The following B3GNT6 variants were observed in gnomAD, a reference collection of about 807,000 sequenced individuals.
B3GNT6 encodes UDP-GlcNAc:betaGal beta-1,3-N-acetylglucosaminyltransferase 6.
For missense variants in B3GNT6, 624 were observed against 568.6 expected (o/e 1.10, Z -0.99); for synonymous variants, 300 against 270.0 (o/e 1.11, Z -1.09).
chr11:77,038,066 G>GAAGGAGGAGGAGGGGA, intron 1 of B3GNT6, among the ~76,000 whole-genome samples: 1 of 6,090 alleles, frequency 1.6e-4, no homozygotes. Context: ...AGTGGGAGGG[G>GAAGGAGGAGGAGGGGA]ATGAGGGGGA....
At chr11:77,038,084 A>AGGGGGAGGGGGCAAGGGGGG (rs1565240572) in intron 1 of B3GNT6, among the ~76,000 whole-genome samples, 1 of 13,426 alleles carries the variant, frequency 7.4e-5, no homozygotes, top group Non-Finnish European at 1.3e-4. Flanking sequence ...GGAGGGGATG[A>AGGGGGAGGGGGCAAGGGGGG]GGGGGAGGAG....
chr11:77,041,002 C>T lies in B3GNT6; in HGVS notation c.*296C>T, dbSNP rs1423463869. The T allele has an allele frequency of 2.7e-6, 1 of 373,616 alleles. No homozygotes were observed. The highest frequency in any genetic ancestry group is 4.3e-5 in the East Asian group (1 of 23,046). The allele number at this position is 373,616 out of a possible 1,614,324, so 23.1% of individuals were successfully genotyped here. On this transcript the variant is annotated 3_prime_UTR_variant, in exon 2 of 2. Transcript: ENST00000622824. Reference sequence around the variant, plus strand: ...CCACTCGGCTAGACTATCTCTTCATCCTCGCAAAGCCAGCTCCACCGCCCT... The same window carrying T: ...CCACTCGGCTAGACTATCTCTTCATTCTCGCAAAGCCAGCTCCACCGCCCT...
At position 77,039,797 on chromosome 11, in the gene B3GNT6, C is replaced by A; in HGVS notation, c.246C>A (p.Phe82Leu). ...ANASANATAD[F>L]EQLPARIQDF... ...CCTCGGCGAACGCCACGGCCGACTT[C>A]GAGCAGCTGCCCGCGCGCATCCAGG... Residue 82 changes from phenylalanine to leucine, a missense_variant, in exon 2 of 2, where the codon TTC (phenylalanine) becomes TTA (leucine). Phe to Leu is a conservative substitution (Grantham distance 22, BLOSUM62 0). Coordinates refer to ENST00000622824, the MANE Select transcript of B3GNT6 (RefSeq NM_138706.5). 1.3e-6 allele frequency: 2 copies of A among 1,578,208 alleles called. No individual in the cohort carries two copies. The highest frequency in any genetic ancestry group is 1.7e-6 in the Non-Finnish European group (2 of 1,167,950).
Position 77,040,584 on chromosome 11 carries a change from GA to G in B3GNT6, c.1034del (p.Asp345AlafsTer10). The G allele has an allele frequency of 6.3e-7, 1 of 1,593,268 alleles. No individual in the cohort carries two copies. The highest frequency in any genetic ancestry group is 1.3e-5 in the African/African-American group (1 of 74,834). ...QLPGAQQSSFDPCMYRELLLV... is the reference protein window; with the variant it reads ...QLPGAQQSSFXPCMYRELLLV... ...GCCTGGCGCACAGCAGTCCTCCTTCGACCCCTGCATGTACCGCGAGTTGCTG... is the reference window on the plus strand; with the variant it reads ...GCCTGGCGCACAGCAGTCCTCCTTCGCCCCTGCATGTACCGCGAGTTGCTG... On this transcript the variant is annotated frameshift_variant, in exon 2 of 2. Coordinates refer to ENST00000622824, the MANE Select transcript of B3GNT6 (RefSeq NM_138706.5). LOFTEE classifies it low-confidence loss of function (END_TRUNC).
chr11:77,040,710 C>A lies in B3GNT6; in HGVS notation c.*4C>A. 6.4e-7 allele frequency: 1 copy of A among 1,560,644 alleles called. No individual in the cohort carries two copies. Among genetic ancestry groups the A allele is most frequent in the Non-Finnish European group, 8.6e-7 (1 of 1,159,508 alleles). ...CCGGGGACACCGGGTCTCCTGAGGC[C>A]AGTTGGGCGGCTTCAGCCCCGGGCC... On this transcript the variant is annotated 3_prime_UTR_variant, in exon 2 of 2. Coordinates refer to ENST00000622824, the MANE Select transcript of B3GNT6 (RefSeq NM_138706.5).
At chr11:77,038,976 C>T (rs903284215) in intron 1 of B3GNT6, among the ~76,000 whole-genome samples, 7 of 152,112 alleles carry the variant, frequency 4.6e-5, no homozygotes, top group Non-Finnish European at 1.0e-4. Flanking sequence ...ACTGTTCAGA[C>T]GGTGCAGATG....
At chr11:77,036,010 T>C (rs1447843411) in intron 1 of B3GNT6, among the ~76,000 whole-genome samples, 1 of 152,232 alleles carries the variant, frequency 6.6e-6, no homozygotes, top group East Asian at 1.9e-4. Flanking sequence ...CCTTATTTCA[T>C]TGAAAAATGA....
In B3GNT6 at chr11:77,040,779, T is replaced by A. The variant is rs1949681537; in HGVS notation, c.*73T>A. 3.4e-6 allele frequency: 5 copies of A among 1,476,372 alleles called. No homozygotes were observed. Among genetic ancestry groups the A allele is most frequent in the African/African-American group, 2.8e-5 (2 of 71,104 alleles). The allele number at this position is 1,476,372 out of a possible 1,614,324, so 91.5% of individuals were successfully genotyped here. A position where few individuals can be genotyped will look rare whatever the true frequency, so the allele number is the denominator to read the frequency against. ...GAGAAGGCAGCTTTCCCGCTCTGGGTACCTTACGTCCTGCCCAGCTCTGTG... is the reference window on the plus strand; with the variant it reads ...GAGAAGGCAGCTTTCCCGCTCTGGGAACCTTACGTCCTGCCCAGCTCTGTG... On this transcript the variant is annotated 3_prime_UTR_variant, in exon 2 of 2. Coordinates refer to ENST00000622824, the MANE Select transcript of B3GNT6 (RefSeq NM_138706.5).
At position 77,034,987 on chromosome 11, in the gene B3GNT6, C is replaced by G. The variant is rs370679136; in HGVS notation, c.-1+509C>G. On this transcript the variant is annotated intron_variant, in intron 1 of 1. Transcript: ENST00000622824. ...CAGCCTCGCAAACATGGTAAAACCT[C>G]ATCTCTACTAAAAATATAAAAATTA... Among the ~76,000 whole-genome samples the G allele has an allele frequency of 2.6e-5, 4 of 152,250 alleles. No individual in the cohort carries two copies. In the East Asian group the frequency reaches 7.7e-4, roughly 29 times the overall value.
intron 1 of B3GNT6, among the ~76,000 whole-genome samples, chr11:77,035,024 G>T (rs112938100): frequency 0.062 from 9,416 of 152,136 alleles, 494 homozygotes; most frequent in African/African-American, 0.14. Flanking sequence ...CTGGGCATGG[G>T]GGTGGACGCC....
intron 1 of B3GNT6, among the ~76,000 whole-genome samples, chr11:77,038,748 AG>A (rs1175865469): frequency 6.6e-6 from 1 of 151,884 alleles, no homozygotes; most frequent in Non-Finnish European, 1.5e-5. Context: ...GAGGGCCTGA[AG>A]GTGAATGTTT....
rs1053886447 is a variant in B3GNT6, at chr11:77,041,464, C to T, written c.*758C>T. On this transcript the variant is annotated 3_prime_UTR_variant, in exon 2 of 2. Coordinates refer to ENST00000622824, the MANE Select transcript of B3GNT6 (RefSeq NM_138706.5). ...GGGTCCTGCCCGCCAATAATCACCCCCACGGGTCAGAGACAGGCTCCTTGC... is the reference window on the plus strand; with the variant it reads ...GGGTCCTGCCCGCCAATAATCACCCTCACGGGTCAGAGACAGGCTCCTTGC... 6.6e-6 allele frequency: 1 copy of T among 152,620 alleles called. No homozygotes were observed. The highest frequency in any genetic ancestry group is 1.9e-4 in the East Asian group (1 of 5,190). The allele number at this position is 152,620 out of a possible 1,614,324, so 9.5% of individuals were successfully genotyped here.
At chr11:77,038,594 C>T (rs1291734960) in intron 1 of B3GNT6, among the ~76,000 whole-genome samples, 1 of 151,892 alleles carries the variant, frequency 6.6e-6, no homozygotes, top group Non-Finnish European at 1.5e-5. Flanking sequence ...AAATAGCCAA[C>T]GGTCTGAGAT....
chr11:77,040,427 C>T lies in B3GNT6; in HGVS notation c.876C>T (p.Ala292=), dbSNP rs1555027746. ...GCTTCCTCCTGTCCGGCCCCACGGC[C>T]CGGGCCCTGCGCGCGGCCGCCCGCC... ...GGGFLLSGPT[A]RALRAAARHT... The change falls in exon 2 of 2, where the codon GCC becomes GCT. Residue 292 remains alanine (A), a synonymous_variant. Transcript: ENST00000622824. 3.3e-6 allele frequency: 5 copies of T among 1,530,962 alleles called. No individual in the cohort carries two copies. Among genetic ancestry groups the T allele is most frequent in the South Asian group, 1.2e-5 (1 of 83,064 alleles). 94.8% of individuals were successfully genotyped at this position (1,530,962 alleles called of 1,614,324 possible). A position where few individuals can be genotyped will look rare whatever the true frequency, so the allele number is the denominator to read the frequency against.
At chr11:77,038,042 A>AGGAGGGGGGGG (rs1205329273) in intron 1 of B3GNT6, among the ~76,000 whole-genome samples, 1 of 2,706 alleles carries the variant, frequency 3.7e-4, no homozygotes. Flanking sequence ...GAGGGATAGG[A>AGGAGGGGGGGG]TGGGAGGGGA....
In B3GNT6 at chr11:77,039,902, G is replaced by C; in HGVS notation, c.351G>C (p.Val117=). The C allele has an allele frequency of 6.3e-7, 1 of 1,592,232 alleles. No individual in the cohort carries two copies. Among genetic ancestry groups the C allele is most frequent in the South Asian group, 1.1e-5 (1 of 89,850 alleles). Residue 117 remains valine (V), a synonymous_variant, in exon 2 of 2, where the codon GTG becomes GTC. Transcript: ENST00000622824. ...APAKCAGGRG[V]FLLLAVKSAP... is the part of the protein sequence containing the mutation. Reference sequence around the variant, plus strand: ...CCAAGTGCGCCGGCGGCCGAGGCGTGTTCCTGCTCCTGGCGGTGAAGTCGG... The same window carrying C: ...CCAAGTGCGCCGGCGGCCGAGGCGTCTTCCTGCTCCTGGCGGTGAAGTCGG...
In B3GNT6 at chr11:77,040,586, C is replaced by T. The variant is rs564286495; in HGVS notation, c.1035C>T (p.Asp345=). 9 of 1,593,950 alleles carry T rather than the reference C, an allele frequency of 5.6e-6. No individual in the cohort carries two copies. Among genetic ancestry groups the T allele is most frequent in the Non-Finnish European group, 7.6e-6 (9 of 1,177,168 alleles). ...QLPGAQQSSF[D]PCMYRELLLV... Reference sequence around the variant, plus strand: ...CTGGCGCACAGCAGTCCTCCTTCGACCCCTGCATGTACCGCGAGTTGCTGC... The same window carrying T: ...CTGGCGCACAGCAGTCCTCCTTCGATCCCTGCATGTACCGCGAGTTGCTGC... Residue 345 remains aspartate, a synonymous_variant, in exon 2 of 2, where the codon GAC becomes GAT. Coordinates refer to ENST00000622824, the MANE Select transcript of B3GNT6 (RefSeq NM_138706.5).
At chr11:77,038,314 C>A (rs1208070864) in intron 1 of B3GNT6, among the ~76,000 whole-genome samples, 2 of 149,114 alleles carry the variant, frequency 1.3e-5, no homozygotes, top group Admixed American at 6.7e-5. Context: ...AATCCCAGCA[C>A]TTTTCGGGGC....
chr11:77,039,770 C>A lies in B3GNT6; in HGVS notation c.219C>A (p.Asn73Lys). 6.3e-7 allele frequency: 1 copy of A among 1,588,318 alleles called. No individual in the cohort carries two copies. Among genetic ancestry groups the A allele is most frequent in the South Asian group, 1.1e-5 (1 of 89,608 alleles). Residue 73 changes from asparagine to lysine, a missense_variant, in exon 2 of 2, where the codon AAC becomes AAA. Transcript: ENST00000622824. ...TCCCCGGGCCCCCGTGCGTGGCGAACGCCTCGGCGAACGCCACGGCCGACT... is the reference window on the plus strand; with the variant it reads ...TCCCCGGGCCCCCGTGCGTGGCGAAAGCCTCGGCGAACGCCACGGCCGACT... ...ELVPGPPCVA[N>K]ASANATADFE...
Sources: gnomAD v4.1 joint callset for allele counts (sites outside exome capture counted in the v4.1 genomes callset) on GRCh38, gnomAD v4.1.1 for gene constraint, MANE v1.5 for transcripts, NCBI Gene and HGNC (gene_info 2026-07-23, HGNC 2026-07-21) for gene names.